PDE3B: variants seen among roughly 807,000 people sequenced by gnomAD.
PDE3B encodes cGMP-inhibited 3',5'-cyclic phosphodiesterase 3B.
Under a neutral mutation model 116.8 loss-of-function variants are expected in PDE3B, and 66 were observed. That is an observed-to-expected ratio of 0.56 (90% CI 0.46 to 0.69). The LOEUF is 0.69. Ranked by LOEUF, PDE3B falls within the 30% of genes least tolerant of loss-of-function variation. PDE3B has a pLI of 0.00. For synonymous variants in PDE3B, 595 were observed against 533.6 expected, an observed-to-expected ratio of 1.12 and a Z score of -1.59; for missense variants, 1,384 against 1,368.1, an observed-to-expected ratio of 1.01 and a Z score of -0.18.
At chr11:14,753,867 TG>T (rs1051737498) in intron 1 of PDE3B, among the ~76,000 whole-genome samples, 1 of 152,084 alleles carries the variant, frequency 6.6e-6, no homozygotes, top group African/African-American at 2.4e-5. Flanking sequence ...TGTTTTGCTT[TG>T]GAAATTGAAA....
At chr11:14,847,581 G>C (rs1376002664) in intron 12 of PDE3B, among the ~76,000 whole-genome samples, 7 of 151,910 alleles carry the variant, frequency 4.6e-5, no homozygotes, top group Admixed American at 3.3e-4. Context: ...CAACAAAATT[G>C]ATAGACCGCT....
At chr11:14,873,978 G>A (rs1590208304), downstream of PDE3B, among the ~76,000 whole-genome samples, 2 of 152,246 alleles carry the variant, frequency 1.3e-5, no homozygotes, top group Middle Eastern at 3.4e-3. Context: ...CTTAAGCTCA[G>A]GAGTTCGAGA....
intron 4 of PDE3B, among the ~76,000 whole-genome samples, chr11:14,791,487 A>C (rs772735269): frequency 2.6e-5 from 4 of 152,104 alleles, no homozygotes; most frequent in Non-Finnish European, 4.4e-5. Flanking sequence ...AAATTGATTT[A>C]CTTAGAGACT....
intron 5 of PDE3B, among the ~76,000 whole-genome samples, chr11:14,804,365 TTTTTTTCATAGAATGA>T (rs1858857149): frequency 6.6e-6 from 1 of 152,070 alleles, no homozygotes; most frequent in Admixed American, 6.5e-5. Flanking sequence ...AGAGTATTTT[TTTTTTTCATAGAATGA>T]TAATTGTGGA....
chr11:14,660,304 C>CT (rs761213939), intron 1 of PDE3B, among the ~76,000 whole-genome samples: 2,761 of 140,478 alleles, frequency 0.02, 29 homozygotes, highest in Admixed American at 0.033. Context: ...TTCTAATATT[C>CT]TTTTTTTTTT....
chr11:14,819,719 G>A (rs566519804), intron 7 of PDE3B, among the ~76,000 whole-genome samples: 1 of 152,236 alleles, frequency 6.6e-6, no homozygotes, highest in East Asian at 1.9e-4. Flanking sequence ...CCTGAGGGCA[G>A]CTAGAAAAGG....
At chr11:14,833,729 TATAA>T (rs946744127) in intron 10 of PDE3B, among the ~76,000 whole-genome samples, 2 of 152,214 alleles carry the variant, frequency 1.3e-5, no homozygotes, top group African/African-American at 4.8e-5. Flanking sequence ...AAATTAATTC[TATAA>T]ATAGTGAATT....
intron 1 of PDE3B, among the ~76,000 whole-genome samples, chr11:14,714,030 G>A (rs1855791686): frequency 6.6e-6 from 1 of 152,170 alleles, no homozygotes; most frequent in South Asian, 2.1e-4. Flanking sequence ...CTTGGTGGTA[G>A]TGTGGTAGTG....
intron 1 of PDE3B, among the ~76,000 whole-genome samples, chr11:14,740,058 T>G (rs1432353900): frequency 6.6e-6 from 1 of 151,716 alleles, no homozygotes; most frequent in Non-Finnish European, 1.5e-5. Context: ...ATTGGCCAAA[T>G]TTTCTTGTTT....
At position 14,825,065 on chromosome 11, in the gene PDE3B, A is replaced by G. The variant is rs141509779; in HGVS notation, c.1808-5633A>G. 2.8e-4 allele frequency among the ~76,000 whole-genome samples: 42 copies of G among 152,334 alleles called. No individual in the cohort carries two copies. In the East Asian group the frequency reaches 7.7e-3, roughly 28 times the overall value. ...GTGAAGGAGAAATAAGATCCTTTTCAGATAAGCAAATGCTGAGGAAGTTTG... is the reference window on the plus strand; with the variant it reads ...GTGAAGGAGAAATAAGATCCTTTTCGGATAAGCAAATGCTGAGGAAGTTTG... On this transcript the variant is annotated intron_variant, in intron 7 of 15. Coordinates refer to ENST00000282096, the MANE Select transcript of PDE3B (RefSeq NM_000922.4).
At chr11:14,780,890 G>A (rs926029021) in intron 2 of PDE3B, among the ~76,000 whole-genome samples, 9 of 151,896 alleles carry the variant, frequency 5.9e-5, no homozygotes, top group Admixed American at 1.3e-4. Context: ...GGTTTTCTGA[G>A]AAGATCAACA....
intron 1 of PDE3B, among the ~76,000 whole-genome samples, chr11:14,733,188 A>G (rs1008633933): frequency 3.3e-5 from 5 of 152,244 alleles, no homozygotes; most frequent in African/African-American, 1.2e-4. Flanking sequence ...TTATTAGTCA[A>G]CAAGGAGAAA....
At chr11:14,880,836 A>G in the PDE3B span, 1 of 1,440,872 alleles carries the variant, frequency 6.9e-7, no homozygotes, top group African/African-American at 1.4e-5. Context: ...AAGGGAACAA[A>G]ATTTTTTTAA....
chr11:14,644,484 A>G lies in PDE3B; in HGVS notation c.409A>G (p.Thr137Ala), dbSNP rs376962336. Residue 137 changes from threonine to alanine, a missense_variant, in exon 1 of 16, where the codon ACC becomes GCC. Around this residue, in one of 2 missense-constraint regions of PDE3B, gnomAD observed 956 missense variants for 806.8 expected, o/e 1.18. Transcript: ENST00000282096. ...CAFFFLTCFL[T>A]RTKRGPGPGR... Reference sequence around the variant, plus strand: ...CTTCTTCTTCCTCACCTGCTTCCTCACCCGGACCAAGCGGGGACCCGGCCC... The same window carrying G: ...CTTCTTCTTCCTCACCTGCTTCCTCGCCCGGACCAAGCGGGGACCCGGCCC... 1.1e-4 allele frequency: 182 copies of G among 1,610,864 alleles called. No individual in the cohort carries two copies. Among genetic ancestry groups the G allele is most frequent in the Non-Finnish European group, 1.3e-4 (159 of 1,179,036 alleles).
the PDE3B span, among the ~76,000 whole-genome samples, chr11:14,881,885 C>T: frequency 2.0e-4 from 30 of 152,160 alleles, no homozygotes; most frequent in South Asian, 6.2e-3. Flanking sequence ...TACCCAGCCT[C>T]GGGTATTTCT....
chr11:14,863,301 T>C (rs1555007529), intron 14 of PDE3B, among the ~76,000 whole-genome samples: 3 of 152,176 alleles, frequency 2.0e-5, no homozygotes. Context: ...TTTGGGTTAG[T>C]TCCAAGTCTT....
At chr11:14,861,152 C>G (rs1219749163) in intron 13 of PDE3B, 53 bp from the exon 14 acceptor site, 36 of 1,407,426 alleles carry the variant, frequency 2.6e-5, no homozygotes, top group Non-Finnish European at 3.5e-5. Context: ...AACAAAACAA[C>G]AAGTTTTAAA....
At chr11:14,697,473 G>A (rs1281828489) in intron 1 of PDE3B, among the ~76,000 whole-genome samples, 1 of 151,932 alleles carries the variant, frequency 6.6e-6, no homozygotes, top group African/African-American at 2.4e-5. Flanking sequence ...GCATTCTTTG[G>A]TTGTTGTCAG....
chr11:14,835,139 G>C (rs1860014704), intron 11 of PDE3B, 44 bp downstream of exon 11: 1 of 1,233,948 alleles, frequency 8.1e-7, no homozygotes, highest in Non-Finnish European at 1.2e-6. Context: ...ATCAGGAATA[G>C]TAAATCAAGC....
Sources: gnomAD v4.1 joint callset for allele counts (sites outside exome capture counted in the v4.1 genomes callset) on GRCh38, gnomAD v4.1.1 for gene constraint, gnomAD v4.1.1 regional missense constraint, MANE v1.5 for transcripts, NCBI Gene and HGNC (gene_info 2026-07-23, HGNC 2026-07-21) for gene names.